POLDIP3: variants seen among roughly 807,000 people sequenced by gnomAD.
POLDIP3 encodes the protein polymerase delta-interacting protein 3.
In POLDIP3, 14 loss-of-function variants were observed where a neutral mutation model predicts 45.1. The observed-to-expected ratio is 0.31, with a 90% CI of 0.20 to 0.49. The LOEUF is 0.49. Among genes scored for constraint, POLDIP3 ranks in the 20% least tolerant of loss-of-function variants. The pLI is 0.99. For missense variants in POLDIP3, 511 were observed against 538.8 expected (o/e 0.95, Z 0.51); for synonymous variants, 223 against 205.2 (o/e 1.09, Z -0.74).
Position 42,602,812 on chromosome 22 carries a change from A to C in POLDIP3, c.408T>G (p.Ile136Met). The C allele has an allele frequency of 6.2e-7, 1 of 1,611,832 alleles. No homozygotes were observed. Among genetic ancestry groups the C allele is most frequent in the Non-Finnish European group, 8.5e-7 (1 of 1,179,866 alleles). ...GCTTCAGAGCAGGGGTCACTGTCCC[A>C]ATGGGTGGGTTTATGAAGGCAGCAG... ...SSPAAFINPP[I>M]GTVTPALKLT... Residue 136 changes from isoleucine (I) to methionine (M), a missense_variant, in exon 2 of 9, where the codon ATT (isoleucine) becomes ATG (methionine). Around this residue, in one of 4 missense-constraint regions of POLDIP3, gnomAD observed 378 missense variants for 352.3 expected, o/e 1.07. Coordinates refer to ENST00000252115, the MANE Select transcript of POLDIP3 (RefSeq NM_032311.5).
At chr22:42,614,769 T>G in intron 1 of POLDIP3, 30 bp downstream of exon 1, 2 of 1,613,468 alleles carry the variant, frequency 1.2e-6, no homozygotes, top group Non-Finnish European at 1.7e-6. Flanking sequence ...CCGAGGACCC[T>G]AAACCCCGAA....
rs747636841 is a variant in POLDIP3, at chr22:42,602,118, G to C, written c.451-62C>G. The stretch of plus-strand genomic sequence containing the variant: ...GTCCACATGCATTCTCTAGAAGAAG[G>C]GGGTTACTGAACTTGATACATGGTG... On this transcript the variant is annotated intron_variant, in intron 2 of 8. Coordinates refer to ENST00000252115, the MANE Select transcript of POLDIP3 (RefSeq NM_032311.5). The C allele has an allele frequency of 3.7e-6, 6 of 1,610,350 alleles. No homozygotes were observed. In the African/African-American group the frequency reaches 8.0e-5, roughly 22 times the overall value.
intron 1 of POLDIP3, among the ~76,000 whole-genome samples, chr22:42,605,060 G>A (rs965429401): frequency 6.6e-6 from 1 of 152,176 alleles, no homozygotes; most frequent in African/African-American, 2.4e-5. Context: ...CATCAGACAT[G>A]GAATCTGCCA....
At chr22:42,614,601 A>G (rs1249817574) in intron 1 of POLDIP3, among the ~76,000 whole-genome samples, 198 bp downstream of exon 1, 1 of 151,976 alleles carries the variant, frequency 6.6e-6, no homozygotes, top group East Asian at 1.9e-4. Flanking sequence ...CAGGGCCGCC[A>G]GAGGGACTGC....
intron 1 of POLDIP3, among the ~76,000 whole-genome samples, chr22:42,609,172 T>C (rs1236456516): frequency 1.3e-5 from 2 of 152,184 alleles, no homozygotes; most frequent in African/African-American, 2.4e-5. Context: ...GGCTCCAGCT[T>C]ATGGCTGCAG....
Position 42,585,950 on chromosome 22 carries a change from T to C in POLDIP3, c.1107A>G (p.Pro369=). The change falls in exon 9 of 9, where the codon CCA becomes CCG. Residue 369 remains proline (P), a synonymous_variant. Transcript: ENST00000252115. ...QPILLRLSDS[P]SMKKESELPR... ...GCAGCTCGCTCTCCTTTTTCATTGATGGGCTGTCACTCAGCCGCCTGTGGA... is the reference window on the plus strand; with the variant it reads ...GCAGCTCGCTCTCCTTTTTCATTGACGGGCTGTCACTCAGCCGCCTGTGGA... 1 of 1,612,798 alleles carries C rather than the reference T, an allele frequency of 6.2e-7. No homozygotes were observed. The highest frequency in any genetic ancestry group is 8.5e-7 in the Non-Finnish European group (1 of 1,179,414).
chr22:42,596,431 G>A (rs1442466518), intron 4 of POLDIP3, 66 bp from the exon 5 acceptor site: 2 of 1,480,822 alleles, frequency 1.4e-6, no homozygotes, highest in African/African-American at 1.4e-5. Flanking sequence ...AGCCCCAAGA[G>A]GTTGACAACT....
At chr22:42,599,576 C>T in intron 4 of POLDIP3, 122 bp downstream of exon 4, 1 of 748,046 alleles carries the variant, frequency 1.3e-6, no homozygotes. Context: ...TGCACTCCAG[C>T]AGCCTGGGGG....
rs575003162 is a variant in POLDIP3, at chr22:42,599,225, C to A, written c.633+473G>T. On this transcript the variant is annotated intron_variant, in intron 4 of 8. Coordinates refer to ENST00000252115, the MANE Select transcript of POLDIP3 (RefSeq NM_032311.5). ...AACAAATCAGAAGGCACCCCAGTGT[C>A]TCAGCGTTTATAAAACTAAGGGAAT... Among the ~76,000 whole-genome samples the A allele has an allele frequency of 2.6e-5, 4 of 152,364 alleles. No individual in the cohort carries two copies. In the South Asian group the frequency reaches 8.3e-4, roughly 32 times the overall value.
At chr22:42,604,096 G>A (rs1307961703) in intron 1 of POLDIP3, among the ~76,000 whole-genome samples, 3 of 152,098 alleles carry the variant, frequency 2.0e-5, no homozygotes, top group South Asian at 2.1e-4. Context: ...TTCTTCTGTC[G>A]CCTCCCACCC....
intron 7 of POLDIP3, among the ~76,000 whole-genome samples, chr22:42,588,668 G>A (rs1189850340): frequency 1.7e-5 from 2 of 116,524 alleles, no homozygotes; most frequent in Admixed American, 2.0e-4. Flanking sequence ...CGCTCTTATT[G>A]CCCAGGCTGG....
intron 1 of POLDIP3, among the ~76,000 whole-genome samples, chr22:42,608,528 A>G (rs1926918451): frequency 6.6e-6 from 1 of 152,228 alleles, no homozygotes. Context: ...ATATGTTGTT[A>G]AACCCTTAAA....
chr22:42,593,216 T>A (rs925568957), intron 6 of POLDIP3, among the ~76,000 whole-genome samples: 1 of 152,248 alleles, frequency 6.6e-6, no homozygotes. Flanking sequence ...TACTGTTATT[T>A]TTAAAAATTT....
intron 3 of POLDIP3, 38 bp downstream of exon 3, chr22:42,601,932 C>A (rs1926407436): frequency 1.9e-6 from 3 of 1,605,624 alleles, no homozygotes; most frequent in Non-Finnish European, 2.6e-6. Flanking sequence ...GCTATGTACA[C>A]ACAGATTCTC....
chr22:42,614,877 C>T lies in POLDIP3; in HGVS notation c.-20G>A, dbSNP rs770726857. ...CGCCATCTTGCTCCGCCGAGCAAGC[C>T]GAAAGCAGTCGAGACCCCGCGAGCC... On this transcript the variant is annotated 5_prime_UTR_variant, in exon 1 of 9. Coordinates refer to ENST00000252115, the MANE Select transcript of POLDIP3 (RefSeq NM_032311.5). 4 of 1,613,654 alleles carry T rather than the reference C, an allele frequency of 2.5e-6. No individual in the cohort carries two copies. Among genetic ancestry groups the T allele is most frequent in the Admixed American group, 1.7e-5 (1 of 60,006 alleles).
intron 1 of POLDIP3, among the ~76,000 whole-genome samples, chr22:42,607,476 C>T (rs1926812965): frequency 6.6e-6 from 1 of 152,242 alleles, no homozygotes; most frequent in Non-Finnish European, 1.5e-5. Flanking sequence ...ACCTCCCAGC[C>T]GCCTGCCTTG....
chr22:42,614,264 T>C (rs1324200220), intron 1 of POLDIP3, among the ~76,000 whole-genome samples: 1 of 152,198 alleles, frequency 6.6e-6, no homozygotes, highest in African/African-American at 2.4e-5. Flanking sequence ...GCATCGTGTA[T>C]ATGAAAGGGC....
At chr22:42,599,358 CCT>C in intron 4 of POLDIP3, among the ~76,000 whole-genome samples, 1 of 152,244 alleles carries the variant, frequency 6.6e-6, no homozygotes, top group Non-Finnish European at 1.5e-5. Context: ...AATCCCAGCA[CCT>C]TGGGAGGCCG....
At chr22:42,588,396 A>C (rs1925448957) in intron 7 of POLDIP3, among the ~76,000 whole-genome samples, 1 of 150,330 alleles carries the variant, frequency 6.7e-6, no homozygotes, top group South Asian at 2.1e-4. Context: ...TAGAGCTTGC[A>C]GTGAGCAGAG....
Sources: allele counts gnomAD v4.1 joint callset (sites outside exome capture counted in the v4.1 genomes callset), GRCh38; gene constraint gnomAD v4.1.1; regional missense constraint gnomAD v4.1.1; transcripts MANE v1.5; gene names NCBI Gene and HGNC (gene_info 2026-07-23, HGNC 2026-07-21).